The following GPI variants were observed in gnomAD, a reference collection of about 807,000 sequenced individuals.
GPI encodes glucose-6-phosphate isomerase.
A neutral mutation model predicts 75.8 loss-of-function variants in GPI; 56 were observed. The ratio of observed to expected loss-of-function variants is 0.74; its 90% CI spans 0.60 to 0.92. The LOEUF (loss-of-function observed/expected upper bound fraction) is 0.92. Among genes scored for constraint, GPI ranks in the 40% least tolerant of loss-of-function variants. GPI has a pLI of 0.00. For missense variants in GPI, 638 were observed against 741.0 expected, an observed-to-expected ratio of 0.86 and a Z score of 1.61; for synonymous variants, 288 against 285.4, an observed-to-expected ratio of 1.01 and a Z score of -0.09.
intron 9 of GPI, among the ~76,000 whole-genome samples, chr19:34,389,409 G>A (rs899457810): frequency 1.3e-5 from 2 of 152,118 alleles, no homozygotes; most frequent in Non-Finnish European, 1.5e-5. Context: ...CTTCCACCCT[G>A]CGGTCCCCAC....
At chr19:34,368,781 T>G in intron 4 of GPI, 79 bp downstream of exon 4, 1 of 1,513,714 alleles carries the variant, frequency 6.6e-7, no homozygotes, top group Non-Finnish European at 9.2e-7. Context: ...AAGGGGCAGC[T>G]CTTCCCTCTT....
intron 6 of GPI, 135 bp downstream of exon 6, chr19:34,378,016 A>C (rs2074576612): frequency 2.4e-6 from 2 of 849,950 alleles, no homozygotes; most frequent in Middle Eastern, 6.5e-4. Context: ...GGATCAGGTC[A>C]GTACAGCTGC....
intron 14 of GPI, among the ~76,000 whole-genome samples, chr19:34,396,896 C>A (rs578064207): frequency 1.3e-5 from 2 of 152,328 alleles, no homozygotes; most frequent in South Asian, 4.1e-4. Flanking sequence ...CTGCAACCTT[C>A]CCCTCCCGGC....
Position 34,365,212 on chromosome 19 carries a change from C to A in GPI, c.-55C>A. 1.4e-6 allele frequency: 2 copies of A among 1,414,038 alleles called. No homozygotes were observed. The highest frequency in any genetic ancestry group is 9.3e-7 in the Non-Finnish European group (1 of 1,078,412). 87.6% of individuals were successfully genotyped at this position (1,414,038 alleles called of 1,614,324 possible). ...ACGCGCCTCGCTTGCTGCGCGCTGC[C>A]GGCGCTCCTTCCTCCTCGGCTCGCG... On this transcript the variant is annotated 5_prime_UTR_variant, in exon 1 of 18. Coordinates refer to ENST00000356487, the MANE Select transcript of GPI (RefSeq NM_000175.5).
intron 8 of GPI, chr19:34,380,976 C>T (rs1271265169): frequency 7.4e-6 from 2 of 269,732 alleles, no homozygotes; most frequent in African/African-American, 4.4e-5. Context: ...TACCTGATGG[C>T]TCCTCAGAGC....
At chr19:34,390,781 CA>C (rs2074811946) in intron 9 of GPI, among the ~76,000 whole-genome samples, 1 of 140,682 alleles carries the variant, frequency 7.1e-6, no homozygotes. Flanking sequence ...ATGGGTCTTC[CA>C]TGTCTGAGGA....
At chr19:34,382,325 T>C (rs2074667588) in intron 9 of GPI, among the ~76,000 whole-genome samples, 1 of 152,196 alleles carries the variant, frequency 6.6e-6, no homozygotes, top group African/African-American at 2.4e-5. Context: ...AGAGGCCCTT[T>C]GCTTGGTGAT....
intron 9 of GPI, among the ~76,000 whole-genome samples, chr19:34,381,909 C>T (rs1039085714): frequency 9.2e-5 from 14 of 152,152 alleles, no homozygotes; most frequent in African/African-American, 2.7e-4. Flanking sequence ...GAGGTATGAC[C>T]GGGTAGGCCT....
chr19:34,386,237 T>C (rs4328566), intron 9 of GPI, among the ~76,000 whole-genome samples: 3 of 109,130 alleles, frequency 2.7e-5, no homozygotes, highest in Non-Finnish European at 6.0e-5. Flanking sequence ...AGCACAGGTA[T>C]GTAGAGATAG....
chr19:34,368,507 G>T, intron 3 of GPI, 76 bp from the exon 4 acceptor site: 1 of 1,546,046 alleles, frequency 6.5e-7, no homozygotes, highest in South Asian at 1.1e-5. Flanking sequence ...GCCGAGCTAT[G>T]GCACCATGCC....
At chr19:34,362,171 C>T (rs1189885874), upstream of GPI, among the ~76,000 whole-genome samples, 2 of 150,018 alleles carry the variant, frequency 1.3e-5, no homozygotes, top group Non-Finnish European at 3.0e-5. Flanking sequence ...CCTGTAACCC[C>T]AGCTACTAGG....
chr19:34,359,982 A>C (rs544287478), upstream of GPI: 1 of 152,402 alleles, frequency 6.6e-6, no homozygotes, highest in Non-Finnish European at 1.5e-5. Context: ...TTTGCTATCC[A>C]GAGTTAGGAC....
At chr19:34,365,516 GGGCCC>G in intron 1 of GPI, 128 bp downstream of exon 1, 1 of 1,418,786 alleles carries the variant, frequency 7.0e-7, no homozygotes, top group Non-Finnish European at 9.6e-7. Flanking sequence ...CCACGGACTG[GGGCCC>G]AGGCCGAGTC....
Position 34,396,330 on chromosome 19 carries a change from C to A in GPI, c.1092C>A (p.Ile364=). The stretch of plus-strand genomic sequence containing the variant: ...ACATGGAGTCCAATGGGAAATACAT[C>A]ACCAAATCTGGAACCCGTGTGGACC... ...QGDMESNGKY[I]TKSGTRVDHQ... The change falls in exon 13 of 18, where the codon ATC becomes ATA. Residue 364 remains isoleucine (I), a synonymous_variant. Transcript: ENST00000356487. The A allele has an allele frequency of 6.2e-7, 1 of 1,614,166 alleles. No homozygotes were observed. The highest frequency in any genetic ancestry group is 2.2e-5 in the East Asian group (1 of 44,884).
upstream of GPI, among the ~76,000 whole-genome samples, chr19:34,364,525 C>T (rs1169816431): frequency 6.6e-6 from 1 of 151,954 alleles, no homozygotes; most frequent in Non-Finnish European, 1.5e-5. Flanking sequence ...GCACGTGTCA[C>T]CAGGCCCGGC....
At position 34,400,395 on chromosome 19, in the gene GPI, C is replaced by T. The variant is rs988805189; in HGVS notation, c.*359C>T. 12 of 594,672 alleles carry T rather than the reference C, an allele frequency of 2.0e-5. No homozygotes were observed. Among genetic ancestry groups the T allele is most frequent in the South Asian group, 8.3e-5 (4 of 48,330 alleles). The allele number at this position is 594,672 out of a possible 1,614,324, so 36.8% of individuals were successfully genotyped here. A position where few individuals can be genotyped will look rare whatever the true frequency, so the allele number is the denominator to read the frequency against. On this transcript the variant is annotated 3_prime_UTR_variant, in exon 18 of 18. Transcript: ENST00000356487. ...TGCTTTATGTAGCAGAGGGCAGGAG[C>T]GCTCAGCAGGACGCAGGCTGTGCCT...
chr19:34,387,318 G>A (rs923567466), intron 9 of GPI, among the ~76,000 whole-genome samples: 1 of 152,228 alleles, frequency 6.6e-6, no homozygotes, highest in Admixed American at 6.5e-5. Context: ...TGAGTCTGCC[G>A]ATGCAGGCTC....
chr19:34,391,601 G>A (rs796598167), intron 9 of GPI, among the ~76,000 whole-genome samples: 1 of 1,254 alleles, frequency 8.0e-4, no homozygotes, highest in Non-Finnish European at 2.3e-3. Flanking sequence ...CAGGTAGGAT[G>A]TGTCCCTGGT....
At position 34,379,535 on chromosome 19, in the gene GPI, G is replaced by T; in HGVS notation, c.723G>T (p.Lys241Asn). 6.2e-7 allele frequency: 1 copy of T among 1,614,128 alleles called. No homozygotes were observed. Among genetic ancestry groups the T allele is most frequent in the Non-Finnish European group, 8.5e-7 (1 of 1,179,948 alleles). ...QAAKDPSAVAKHFVALSTNTT... is the reference protein window; with the variant it reads ...QAAKDPSAVANHFVALSTNTT... ...TCTTGTAGCCTTCTGCAGTGGCGAA[G>T]CACTTTGTTGCCCTGTCTACTAACA... Residue 241 changes from lysine to asparagine, a missense_variant, in exon 8 of 18, where the codon AAG becomes AAT. Physicochemically the swap from Lys to Asn is moderately conservative, Grantham distance 94. Transcript: ENST00000356487.
Sources: allele counts gnomAD v4.1 joint callset (sites outside exome capture counted in the v4.1 genomes callset), GRCh38; gene constraint gnomAD v4.1.1; transcripts MANE v1.5; gene names NCBI Gene and HGNC (gene_info 2026-07-23, HGNC 2026-07-21).